Variants in UNC5C observed in about 807,000 individuals in gnomAD.
The protein encoded by UNC5C is netrin receptor UNC5C.
In UNC5C, 47 loss-of-function variants were observed where a neutral mutation model predicts 99.8. The observed-to-expected ratio is 0.47, with a 90% CI of 0.37 to 0.60. UNC5C has a LOEUF of 0.60. Ranked by LOEUF, UNC5C falls within the 20% of genes least tolerant of loss-of-function variation. UNC5C has a pLI of 0.00. For missense variants in UNC5C, 1,062 were observed against 1,165.9 expected, an observed-to-expected ratio of 0.91 and a Z score of 1.30; for synonymous variants, 487 against 452.2, an observed-to-expected ratio of 1.08 and a Z score of -0.98.
At chr4:95,355,049 A>G (rs1744130823) in intron 1 of UNC5C, among the ~76,000 whole-genome samples, 1 of 152,156 alleles carries the variant, frequency 6.6e-6, no homozygotes, top group South Asian at 2.1e-4. Flanking sequence ...GAAAGAATAT[A>G]GATTTTGTTC....
At chr4:95,438,841 G>C (rs1746865802) in intron 1 of UNC5C, among the ~76,000 whole-genome samples, 1 of 152,138 alleles carries the variant, frequency 6.6e-6, no homozygotes, top group Non-Finnish European at 1.5e-5. Flanking sequence ...TTTGCAGAGA[G>C]CATTGCTGCT....
intron 1 of UNC5C, among the ~76,000 whole-genome samples, chr4:95,468,392 T>C (rs1747864086): frequency 6.6e-6 from 1 of 152,150 alleles, no homozygotes; most frequent in Admixed American, 6.5e-5. Flanking sequence ...TTAGTTTCTC[T>C]GGCATGGTGG....
At chr4:95,534,135 A>C (rs1432185299) in intron 1 of UNC5C, among the ~76,000 whole-genome samples, 1 of 152,228 alleles carries the variant, frequency 6.6e-6, no homozygotes, top group Admixed American at 6.5e-5. Context: ...GGTTGGGCTA[A>C]AAAAATAAAA....
intron 12 of UNC5C, among the ~76,000 whole-genome samples, chr4:95,195,904 A>C (rs1344234182): frequency 6.8e-6 from 1 of 146,648 alleles, no homozygotes; most frequent in Non-Finnish European, 1.5e-5. Flanking sequence ...GAGTCCATCA[A>C]AAAAAAAAAA....
At chr4:95,504,443 G>T (rs1721858860) in intron 1 of UNC5C, among the ~76,000 whole-genome samples, 3 of 152,126 alleles carry the variant, frequency 2.0e-5, no homozygotes, top group Admixed American at 2.0e-4. Flanking sequence ...TACATGTAAA[G>T]AACATATATA....
chr4:95,267,615 C>A (rs140821770), intron 4 of UNC5C, among the ~76,000 whole-genome samples: 1 of 152,202 alleles, frequency 6.6e-6, no homozygotes, highest in East Asian at 1.9e-4. Context: ...AAAGCTTTAT[C>A]TTCTGATACA....
At chr4:95,228,971 G>A (rs1738797780) in intron 7 of UNC5C, among the ~76,000 whole-genome samples, 1 of 152,096 alleles carries the variant, frequency 6.6e-6, no homozygotes, top group Non-Finnish European at 1.5e-5. Flanking sequence ...TTGCTAGAGT[G>A]ATGTAGTTGT....
chr4:95,527,037 G>A (rs1722513866), intron 1 of UNC5C, among the ~76,000 whole-genome samples: 1 of 152,014 alleles, frequency 6.6e-6, no homozygotes, highest in African/African-American at 2.4e-5. Context: ...CAAGTTAAGT[G>A]ACAATATTTT....
chr4:95,461,194 T>C (rs187843), intron 1 of UNC5C, among the ~76,000 whole-genome samples: 29,946 of 152,132 alleles, frequency 0.2, 3,334 homozygotes, highest in East Asian at 0.39. Flanking sequence ...TAATGCAAAG[T>C]ATCTTTTTCC....
chr4:95,316,577 T>C (rs1240294796), intron 2 of UNC5C, among the ~76,000 whole-genome samples: 1 of 152,076 alleles, frequency 6.6e-6, no homozygotes, highest in Admixed American at 6.5e-5. Flanking sequence ...CCTTGAAAAA[T>C]ACAAACAAGA....
intron 12 of UNC5C, among the ~76,000 whole-genome samples, chr4:95,191,243 C>T (rs1297320273): frequency 6.6e-6 from 1 of 152,206 alleles, no homozygotes; most frequent in Non-Finnish European, 1.5e-5. Flanking sequence ...ATCTGCTTCT[C>T]TTGTTGTCTC....
chr4:95,329,721 A>G (rs1012450469), intron 2 of UNC5C, among the ~76,000 whole-genome samples: 5 of 152,230 alleles, frequency 3.3e-5, no homozygotes, highest in Admixed American at 6.5e-5. Flanking sequence ...CCTTTGGCTA[A>G]TATATAGCCA....
chr4:95,183,113 ACT>A (rs1433211272), intron 13 of UNC5C, 52 bp from the exon 14 acceptor site: 2 of 1,546,658 alleles, frequency 1.3e-6, no homozygotes, highest in African/African-American at 2.7e-5. Flanking sequence ...ACCAAAAATA[ACT>A]CTCAGATGGT....
intron 1 of UNC5C, among the ~76,000 whole-genome samples, chr4:95,381,124 A>G (rs940833297): frequency 6.6e-6 from 1 of 152,216 alleles, no homozygotes; most frequent in African/African-American, 2.4e-5. Context: ...TTAGAAACAT[A>G]TACTTAAAAA....
chr4:95,217,392 T>C (rs1283736839), intron 9 of UNC5C, among the ~76,000 whole-genome samples: 1 of 152,118 alleles, frequency 6.6e-6, no homozygotes, highest in Non-Finnish European at 1.5e-5. Context: ...TTGTAGGAAG[T>C]GGACTGTCAA....
chr4:95,342,953 G>A (rs1301197275), intron 1 of UNC5C, among the ~76,000 whole-genome samples: 1 of 151,978 alleles, frequency 6.6e-6, no homozygotes. Flanking sequence ...AGAGGGAAGA[G>A]CGGGAGAAAC....
chr4:95,335,628 T>C lies in UNC5C; in HGVS notation c.128A>G (p.Asp43Gly), dbSNP rs772445268. The change falls in exon 2 of 16, where the codon GAT becomes GGT. Residue 43 changes from aspartate (D) to glycine (G), a missense_variant. Around this residue, in one of 3 missense-constraint regions of UNC5C, gnomAD observed 249 missense variants for 295.1 expected, o/e 0.84. Transcript: ENST00000453304. The part of the protein sequence containing the change: ...ASGTGSAAQD[D>G]DFFHELPETF... ...TTCTGGGAGTTCATGAAAAAAGTCA[T>C]CATCTGAGAAAGAAGAAGAAAGTGG... is the stretch of plus-strand genomic sequence containing the variant. 1.9e-6 allele frequency: 3 copies of C among 1,604,992 alleles called. No individual in the cohort carries two copies. The highest frequency in any genetic ancestry group is 2.7e-5 in the African/African-American group (2 of 74,312).
chr4:95,202,405 T>C (rs1737712913), intron 12 of UNC5C, among the ~76,000 whole-genome samples: 1 of 152,200 alleles, frequency 6.6e-6, no homozygotes, highest in Non-Finnish European at 1.5e-5. Flanking sequence ...CCAATTCCTT[T>C]TATAGGAAGA....
rs148693895 is a variant in UNC5C at position 95,194,543 on chromosome 4, T to C, written c.2136+8188A>G. Among the ~76,000 whole-genome samples, 60 of 152,232 alleles carry C rather than the reference T, an allele frequency of 3.9e-4. No homozygotes were observed. The East Asian group carries it at 9.5e-3, about 24-fold the overall frequency. On this transcript the variant is annotated intron_variant, in intron 12 of 15. Coordinates refer to ENST00000453304, the MANE Select transcript of UNC5C (RefSeq NM_003728.4). ...TGGGTCTTCTCCACCTTCCAGAGGT[T>C]TCTCACATTCTTTGGCTCACGGTCC...
Sources: allele counts gnomAD v4.1 joint callset (sites outside exome capture counted in the v4.1 genomes callset), GRCh38; gene constraint gnomAD v4.1.1; regional missense constraint gnomAD v4.1.1; transcripts MANE v1.5; gene names NCBI Gene and HGNC (gene_info 2026-07-23, HGNC 2026-07-21).